TRIO: variants seen among roughly 807,000 people sequenced by gnomAD.
TRIO encodes the protein trio Rho guanine nucleotide exchange factor, also known as triple functional domain protein.
A neutral mutation model predicts 351.9 loss-of-function variants in TRIO; 58 were observed. That is an observed-to-expected ratio of 0.16 (90% CI 0.13 to 0.21). The LOEUF (loss-of-function observed/expected upper bound fraction) is 0.21. Among genes scored for constraint, TRIO ranks in the 10% least tolerant of loss-of-function variants. TRIO has a pLI of 1.00. For synonymous variants in TRIO, 1,758 were observed against 1,595.7 expected (o/e 1.10, Z -2.42); for missense variants, 3,201 against 4,027.8 (o/e 0.79, Z 5.56).
At chr5:14,493,167 A>G (rs1469670765) in intron 49 of TRIO, among the ~76,000 whole-genome samples, 1 of 152,126 alleles carries the variant, frequency 6.6e-6, no homozygotes, top group African/African-American at 2.4e-5. Context: ...TGTTTCTTTG[A>G]CATACATTCT....
intron 3 of TRIO, among the ~76,000 whole-genome samples, chr5:14,285,609 G>T (rs1373562393): frequency 2.0e-5 from 3 of 151,968 alleles, no homozygotes; most frequent in East Asian, 1.9e-4. Flanking sequence ...TTTTAATTTT[G>T]AATTAATTTT....
At chr5:14,185,148 C>T (rs1312451143) in intron 1 of TRIO, among the ~76,000 whole-genome samples, 1 of 143,734 alleles carries the variant, frequency 7.0e-6, no homozygotes, top group Non-Finnish European at 1.5e-5. Context: ...AAAATTCGCC[C>T]CCCTTCCCCG....
At chr5:14,262,029 T>C (rs890640420) in intron 1 of TRIO, among the ~76,000 whole-genome samples, 4 of 150,620 alleles carry the variant, frequency 2.7e-5, no homozygotes, top group African/African-American at 1.0e-4. Context: ...TGCCCAGAAC[T>C]GCGAATTGTA....
At chr5:14,386,805 G>C (rs187117644) in intron 21 of TRIO, among the ~76,000 whole-genome samples, 1 of 152,240 alleles carries the variant, frequency 6.6e-6, no homozygotes, top group East Asian at 1.9e-4. Flanking sequence ...ATTTTAGAGA[G>C]AGCTCTCAAA....
intron 7 of TRIO, among the ~76,000 whole-genome samples, chr5:14,298,725 A>G (rs1737586724): frequency 6.6e-6 from 1 of 152,232 alleles, no homozygotes; most frequent in African/African-American, 2.4e-5. Context: ...ATAAAGAGAA[A>G]CAAACCTTCA....
In TRIO at chr5:14,481,389, G is replaced by T. The variant is rs547581074; in HGVS notation, c.6387+105G>T. 8 of 1,505,626 alleles carry T rather than the reference G, an allele frequency of 5.3e-6. No individual in the cohort carries two copies. In the African/African-American group the frequency reaches 1.1e-4, roughly 21 times the overall value. 93.3% of individuals were successfully genotyped at this position (1,505,626 alleles called of 1,614,324 possible). ...CTGGCCCTGGGAGGGGGTCAAAGCA[G>T]TGGATGACAGAGTCTCTCCAGTGCA... On this transcript the variant is annotated intron_variant, in intron 44 of 56. Transcript: ENST00000344204.
chr5:14,235,141 G>A (rs1389537648), intron 1 of TRIO, among the ~76,000 whole-genome samples: 1 of 152,124 alleles, frequency 6.6e-6, no homozygotes, highest in Non-Finnish European at 1.5e-5. Context: ...GTAAAAACTT[G>A]TTACCCTACC....
chr5:14,287,137 A>C (rs1581531896), intron 4 of TRIO, 74 bp downstream of exon 4: 1 of 1,474,138 alleles, frequency 6.8e-7, no homozygotes, highest in East Asian at 2.3e-5. Flanking sequence ...GGCTAATGAG[A>C]GATTTTTTTT....
intron 27 of TRIO, among the ~76,000 whole-genome samples, chr5:14,391,931 C>T (rs1329077418): frequency 6.6e-6 from 1 of 152,214 alleles, no homozygotes; most frequent in Non-Finnish European, 1.5e-5. Context: ...GAAGCCTTCT[C>T]CCAGGCCAAA....
intron 33 of TRIO, among the ~76,000 whole-genome samples, chr5:14,418,247 G>A (rs752672297): frequency 6.6e-5 from 10 of 152,070 alleles, no homozygotes; most frequent in Non-Finnish European, 1.2e-4. Context: ...TCTGGCCACT[G>A]GGGGGGACCT....
chr5:14,341,175 G>A (rs1442221178), intron 11 of TRIO, among the ~76,000 whole-genome samples: 1 of 152,076 alleles, frequency 6.6e-6, no homozygotes, highest in Non-Finnish European at 1.5e-5. Context: ...CCTGTGTATG[G>A]CATTTATTCA....
chr5:14,445,563 G>C (rs1432434428), intron 34 of TRIO, among the ~76,000 whole-genome samples: 1 of 152,186 alleles, frequency 6.6e-6, no homozygotes, highest in African/African-American at 2.4e-5. Flanking sequence ...GCGCAGTTGA[G>C]AAACCTTGCT....
chr5:14,353,402 A>G lies in TRIO; in HGVS notation c.2047-4776A>G, dbSNP rs1011716678. On this transcript the variant is annotated intron_variant, in intron 11 of 56. Transcript: ENST00000344204. ...CTCAGCCTCCCAAGTAGCTGGGACT[A>G]CATGTGTGTGCCACCACGCCCAGCT... Among the ~76,000 whole-genome samples, 5 of 151,624 alleles carry G rather than the reference A, an allele frequency of 3.3e-5. No individual in the cohort carries two copies. The South Asian group carries it at 8.3e-4, about 25-fold the overall frequency.
At chr5:14,287,093 A>G (rs1353964231) in intron 4 of TRIO, 30 bp downstream of exon 4, 2 of 1,602,724 alleles carry the variant, frequency 1.2e-6, no homozygotes, top group Admixed American at 3.4e-5. Flanking sequence ...TAGACCCACT[A>G]AACAAGTTGG....
Position 14,389,401 on chromosome 5 carries a change from G to C in TRIO, c.4058+3G>C. 6.2e-7 allele frequency: 1 copy of C among 1,603,596 alleles called. No individual in the cohort carries two copies. Among genetic ancestry groups the C allele is most frequent in the Non-Finnish European group, 8.5e-7 (1 of 1,174,306 alleles). On this transcript the variant is annotated splice_donor_region_variant and intron_variant, in intron 25 of 56. Transcript: ENST00000344204. ...GAAATCTACGAATTTCATAATAAGT[G>C]AGTGGCTTTTTCTTTGGGAGCAGTT...
intron 1 of TRIO, among the ~76,000 whole-genome samples, chr5:14,258,217 C>T (rs959039465): frequency 1.3e-5 from 2 of 152,248 alleles, no homozygotes; most frequent in East Asian, 3.8e-4. Flanking sequence ...CCTGAATCCT[C>T]TCCACACCTC....
chr5:14,225,802 C>CT (rs1371102096), intron 1 of TRIO, among the ~76,000 whole-genome samples: 1 of 133,718 alleles, frequency 7.5e-6, no homozygotes, highest in Non-Finnish European at 1.5e-5. Flanking sequence ...ACCCCCCCCC[C>CT]CACCTCCAAG....
intron 5 of TRIO, among the ~76,000 whole-genome samples, chr5:14,292,261 GT>G (rs1736980987): frequency 6.6e-6 from 1 of 152,160 alleles, no homozygotes. Context: ...GTGTTCTTTT[GT>G]TTTAAGTAGC....
chr5:14,168,163 G>A (rs1184687708), intron 1 of TRIO, among the ~76,000 whole-genome samples: 1 of 152,228 alleles, frequency 6.6e-6, no homozygotes, highest in Non-Finnish European at 1.5e-5. Context: ...GTTCACAGGT[G>A]TAAATACTCA....
Sources: allele counts gnomAD v4.1 joint callset (sites outside exome capture counted in the v4.1 genomes callset), GRCh38; gene constraint gnomAD v4.1.1; transcripts MANE v1.5; gene names NCBI Gene and HGNC (gene_info 2026-07-23, HGNC 2026-07-21).